HNRNPF: variants seen among roughly 807,000 people sequenced by gnomAD.
The protein encoded by HNRNPF is HnRNP F protein.
Under a neutral mutation model 26.0 loss-of-function variants are expected in HNRNPF, and 2 were observed. The observed-to-expected ratio is 0.08, with a 90% CI of 0.03 to 0.24. The LOEUF is 0.24. Among genes scored for constraint, HNRNPF ranks in the 10% least tolerant of loss-of-function variants. The pLI, the probability that HNRNPF is intolerant of heterozygous loss-of-function variation, is 1.00. For synonymous variants in HNRNPF, 234 were observed against 211.5 expected (o/e 1.11, Z -0.92); for missense variants, 299 against 539.2 (o/e 0.55, Z 4.41).
rs142085844 is a variant in HNRNPF, at chr10:43,386,985, C to T, written c.900G>A (p.Ala300=). 76 of 1,614,070 alleles carry T rather than the reference C, an allele frequency of 4.7e-5. No individual in the cohort carries two copies. The African/African-American group carries it at 5.2e-4, about 11-fold the overall frequency. The change falls in exon 4 of 4, where the codon GCG becomes GCA. Residue 300 remains alanine (A), a synonymous_variant. Transcript: ENST00000682386. The stretch of plus-strand genomic sequence containing the variant: ...AGAAGTTGTAAATGTCGTTCTCGGT[C>T]GCTTTGTACGGCAGGCCCCTCATGT... ...CVHMRGLPYK[A]TENDIYNFFS...
chr10:43,397,053 C>G (rs994143879), intron 1 of HNRNPF: 5 of 150,968 alleles, frequency 3.3e-5, no homozygotes, highest in African/African-American at 1.2e-4. Context: ...CCGAGCGCGG[C>G]TGAAGGGAGG....
At chr10:43,395,804 G>T (rs1399757869) in intron 2 of HNRNPF, among the ~76,000 whole-genome samples, 1 of 152,130 alleles carries the variant, frequency 6.6e-6, no homozygotes, top group African/African-American at 2.4e-5. Context: ...GCGTCTCTGG[G>T]GACATGCACA....
chr10:43,394,448 C>T (rs1406260996), intron 3 of HNRNPF, among the ~76,000 whole-genome samples, 182 bp downstream of exon 3: 1 of 152,122 alleles, frequency 6.6e-6, no homozygotes, highest in Non-Finnish European at 1.5e-5. Flanking sequence ...TTTTCTGTTC[C>T]ATTTCTCAGA....
chr10:43,399,383 C>A (rs1838680957), intron 1 of HNRNPF, among the ~76,000 whole-genome samples: 1 of 152,110 alleles, frequency 6.6e-6, no homozygotes, highest in Non-Finnish European at 1.5e-5. Flanking sequence ...TGTGCCTGGC[C>A]CAAGGCAAGT....
chr10:43,390,142 C>A (rs1212361533), intron 3 of HNRNPF, among the ~76,000 whole-genome samples: 1 of 152,200 alleles, frequency 6.6e-6, no homozygotes, highest in East Asian at 1.9e-4. Context: ...CTCCTGTCCA[C>A]GGAGGGAATT....
intron 3 of HNRNPF, among the ~76,000 whole-genome samples, chr10:43,390,139 C>A (rs991034881): frequency 1.8e-4 from 28 of 152,306 alleles, no homozygotes; most frequent in African/African-American, 6.5e-4. Flanking sequence ...CCTCTCCTGT[C>A]CACGGAGGGA....
At chr10:43,391,391 G>C (rs914185297) in intron 3 of HNRNPF, among the ~76,000 whole-genome samples, 2 of 151,892 alleles carry the variant, frequency 1.3e-5, no homozygotes, top group African/African-American at 4.8e-5. Context: ...CCAGGAAGCG[G>C]AGTTTTCAGT....
intron 3 of HNRNPF, among the ~76,000 whole-genome samples, chr10:43,388,196 G>T (rs983754602): frequency 4.6e-5 from 7 of 152,162 alleles, no homozygotes; most frequent in Admixed American, 3.9e-4. Context: ...TTTAGAGCAA[G>T]GGCATTTCCT....
intron 3 of HNRNPF, among the ~76,000 whole-genome samples, chr10:43,390,941 C>A (rs111668115): frequency 1.3e-5 from 2 of 152,018 alleles, no homozygotes; most frequent in East Asian, 1.9e-4. Context: ...TTCTGACAAC[C>A]GAATGTCTCC....
Position 43,386,169 on chromosome 10 carries a change from G to C in HNRNPF, c.*468C>G, listed in dbSNP as rs768843772. ...CCAATTCCTACAGTATTAGTATTGTGTCTCAATTCTCAAAACTAACTTTTA... is the reference window on the plus strand; with the variant it reads ...CCAATTCCTACAGTATTAGTATTGTCTCTCAATTCTCAAAACTAACTTTTA... On this transcript the variant is annotated 3_prime_UTR_variant, in exon 4 of 4. Transcript: ENST00000682386. 6.5e-6 allele frequency: 1 copy of C among 153,432 alleles called. No individual in the cohort carries two copies. Among genetic ancestry groups the C allele is most frequent in the African/African-American group, 2.4e-5 (1 of 41,452 alleles). 9.5% of individuals were successfully genotyped at this position (153,432 alleles called of 1,614,324 possible). A position where few individuals can be genotyped will look rare whatever the true frequency, so the allele number is the denominator to read the frequency against.
chr10:43,407,375 G>A (rs997205225), intron 1 of HNRNPF, among the ~76,000 whole-genome samples: 3 of 152,156 alleles, frequency 2.0e-5, no homozygotes, highest in Non-Finnish European at 2.9e-5. Context: ...GCCGCCCGCG[G>A]GCAATGGCCG....
At chr10:43,400,875 A>T (rs555788504) in intron 1 of HNRNPF, among the ~76,000 whole-genome samples, 1 of 152,334 alleles carries the variant, frequency 6.6e-6, no homozygotes, top group South Asian at 2.1e-4. Context: ...AGGCGGGTGG[A>T]TCACGAGGTC....
Position 43,401,801 on chromosome 10 carries a change from C to T in HNRNPF, c.-246-5211G>A, listed in dbSNP as rs969387608. 2.6e-5 allele frequency among the ~76,000 whole-genome samples: 4 copies of T among 152,154 alleles called. No homozygotes were observed. The East Asian group carries it at 7.7e-4, about 29-fold the overall frequency. On this transcript the variant is annotated intron_variant, in intron 1 of 3. Coordinates refer to ENST00000682386, the MANE Select transcript of HNRNPF (RefSeq NM_001098204.2). The stretch of plus-strand genomic sequence containing the variant: ...TATCCTCAGCCCCCTGAGGAAGGTA[C>T]ATTCCTTGGGATGGGAATTCTTCCT...
intron 1 of HNRNPF, chr10:43,408,733 C>G (rs1384718189): frequency 6.6e-6 from 1 of 152,098 alleles, no homozygotes; most frequent in African/African-American, 2.4e-5. Context: ...TCACCTCGGC[C>G]TCCGAGTCTC....
intron 3 of HNRNPF, among the ~76,000 whole-genome samples, chr10:43,388,721 G>A (rs977758787): frequency 6.6e-6 from 1 of 152,204 alleles, no homozygotes; most frequent in Non-Finnish European, 1.5e-5. Context: ...AAGGGCAATC[G>A]CAAGAGGGCT....
At chr10:43,401,265 G>A (rs1838746644) in intron 1 of HNRNPF, among the ~76,000 whole-genome samples, 1 of 152,144 alleles carries the variant, frequency 6.6e-6, no homozygotes. Context: ...AAGTCTGGGG[G>A]GATAACACAC....
chr10:43,398,524 G>A (rs1351343198), intron 1 of HNRNPF, among the ~76,000 whole-genome samples: 4 of 151,582 alleles, frequency 2.6e-5, no homozygotes, highest in Non-Finnish European at 5.9e-5. Context: ...TGTATTTTTA[G>A]TAGAGACAGG....
chr10:43,401,978 C>A (rs571824942), intron 1 of HNRNPF, among the ~76,000 whole-genome samples: 44 of 152,228 alleles, frequency 2.9e-4, no homozygotes, highest in Non-Finnish European at 5.0e-4. Flanking sequence ...AGGAAAGGAA[C>A]ATGACAATTT....
intron 3 of HNRNPF, among the ~76,000 whole-genome samples, chr10:43,390,578 C>G (rs1838203426): frequency 6.6e-6 from 1 of 152,196 alleles, no homozygotes; most frequent in African/African-American, 2.4e-5. Context: ...CACACAGCCT[C>G]TTTCTCTCCT....
Sources: allele counts gnomAD v4.1 joint callset (sites outside exome capture counted in the v4.1 genomes callset), GRCh38; gene constraint gnomAD v4.1.1; transcripts MANE v1.5; gene names NCBI Gene and HGNC (gene_info 2026-07-23, HGNC 2026-07-21).